GRID1: variants seen among roughly 807,000 people sequenced by gnomAD.
GRID1 encodes the protein glutamate receptor ionotropic, delta-1.
GRID1 carries 28 observed loss-of-function variants against 98.0 expected under a neutral mutation model. That is an observed-to-expected ratio of 0.29 (90% CI 0.21 to 0.39). GRID1 has a LOEUF of 0.39. Ranked by LOEUF, GRID1 falls within the 10% of genes least tolerant of loss-of-function variation. The pLI is 1.00. For missense variants in GRID1, 1,111 were observed against 1,340.5 expected (o/e 0.83, Z 2.67); for synonymous variants, 553 against 538.5 (o/e 1.03, Z -0.37).
chr10:85,981,978 G>A (rs1842549515), intron 4 of GRID1, among the ~76,000 whole-genome samples: 1 of 152,168 alleles, frequency 6.6e-6, no homozygotes, highest in African/African-American at 2.4e-5. Flanking sequence ...AGAAGGCAAG[G>A]AAACCAGCCA....
intron 4 of GRID1, among the ~76,000 whole-genome samples, chr10:85,953,326 A>C (rs1008928307): frequency 1.3e-5 from 2 of 152,158 alleles, no homozygotes; most frequent in Non-Finnish European, 2.9e-5. Context: ...AAATAATGAG[A>C]ACACATAGAA....
At chr10:85,770,007 C>T (rs1165573096) in intron 8 of GRID1, among the ~76,000 whole-genome samples, 7 of 152,200 alleles carry the variant, frequency 4.6e-5, no homozygotes, top group African/African-American at 1.4e-4. Flanking sequence ...GATCTGAGAA[C>T]GGGCAGACTG....
intron 11 of GRID1, 77 bp from the exon 12 acceptor site, chr10:85,723,218 C>A: frequency 7.1e-7 from 1 of 1,401,352 alleles, no homozygotes; most frequent in South Asian, 1.5e-5. Flanking sequence ...TTCTGCCCTG[C>A]AGCCAGGCAC....
intron 2 of GRID1, among the ~76,000 whole-genome samples, chr10:86,258,968 G>T (rs892608892): frequency 1.3e-5 from 2 of 152,148 alleles, no homozygotes; most frequent in African/African-American, 4.8e-5. Context: ...AAATCAAAAG[G>T]ACAAAACCAG....
At chr10:85,926,989 A>G (rs1456278940) in intron 4 of GRID1, among the ~76,000 whole-genome samples, 1 of 152,216 alleles carries the variant, frequency 6.6e-6, no homozygotes, top group African/African-American at 2.4e-5. Context: ...ACAGCCCTCA[A>G]TTAGCTTCAT....
intron 2 of GRID1, among the ~76,000 whole-genome samples, chr10:86,353,316 G>A (rs538181418): frequency 5.3e-5 from 8 of 152,346 alleles, no homozygotes; most frequent in African/African-American, 1.9e-4. Flanking sequence ...GAGTCTGAGG[G>A]GGCCAGCGGA....
rs762765793 is a variant in GRID1 at position 86,195,691 on chromosome 10, A to G, written c.520+10673T>C. Among the ~76,000 whole-genome samples the G allele has an allele frequency of 1.4e-4, 21 of 152,132 alleles. 1 individual carries two copies. Among genetic ancestry groups the G allele is most frequent in the Non-Finnish European group, 2.2e-4 (15 of 67,974 alleles). ...GTAAGAGGATAACTTCCAGCAAGGAACTGGGTACGTGAAGGGCTGAGAGGA... is the reference window on the plus strand; with the variant it reads ...GTAAGAGGATAACTTCCAGCAAGGAGCTGGGTACGTGAAGGGCTGAGAGGA... On this transcript the variant is annotated intron_variant, in intron 3 of 15. Coordinates refer to ENST00000327946, the MANE Select transcript of GRID1 (RefSeq NM_017551.3). This position sits in a 1 kb window ranked among gnomAD's most constrained non-coding sequence, Gnocchi z 4.4.
rs190493298 is a variant in GRID1, at chr10:86,069,450, C to T, written c.726+69369G>A. 1.6e-3 allele frequency among the ~76,000 whole-genome samples: 239 copies of T among 152,248 alleles called. 3 individuals are homozygous for T. The highest frequency in any genetic ancestry group is 0.01 in the Middle Eastern group (3 of 294). ...GATCATGAGGTCAGGAGATCGAGAC[C>T]ACCCTGGCTAACACGGTGAAACCCC... On this transcript the variant is annotated intron_variant, in intron 4 of 15. Coordinates refer to ENST00000327946, the MANE Select transcript of GRID1 (RefSeq NM_017551.3).
chr10:85,940,512 G>T (rs773984368), intron 4 of GRID1, among the ~76,000 whole-genome samples: 12 of 152,184 alleles, frequency 7.9e-5, no homozygotes, highest in Non-Finnish European at 1.6e-4. Flanking sequence ...TTCTGAAAAA[G>T]AAATTGGAGA....
intron 12 of GRID1, among the ~76,000 whole-genome samples, chr10:85,703,432 T>C (rs1841476308): frequency 1.3e-5 from 2 of 151,948 alleles, no homozygotes; most frequent in Non-Finnish European, 2.9e-5. Flanking sequence ...AAGGCAAATA[T>C]ATATCTTAGA....
intron 15 of GRID1, among the ~76,000 whole-genome samples, chr10:85,605,049 T>C (rs1343276979): frequency 6.6e-6 from 1 of 152,224 alleles, no homozygotes; most frequent in African/African-American, 2.4e-5. Context: ...AGGTGCTTCA[T>C]CTGCTGCAGC....
chr10:86,310,006 G>T (rs1453083329), intron 2 of GRID1, among the ~76,000 whole-genome samples: 1 of 152,162 alleles, frequency 6.6e-6, no homozygotes, highest in African/African-American at 2.4e-5. Flanking sequence ...TTATGTCCAA[G>T]CCGGCTGGCC....
intron 5 of GRID1, among the ~76,000 whole-genome samples, chr10:85,906,584 A>T (rs928488517): frequency 6.6e-6 from 1 of 152,234 alleles, no homozygotes; most frequent in Non-Finnish European, 1.5e-5. Flanking sequence ...ATTAGAAATC[A>T]ATAGCAGAAA....
chr10:85,930,048 G>A (rs1392272109), intron 4 of GRID1, among the ~76,000 whole-genome samples: 1 of 152,136 alleles, frequency 6.6e-6, no homozygotes, highest in Non-Finnish European at 1.5e-5. Flanking sequence ...AAGCCAAATA[G>A]TAGACTATGA....
chr10:86,009,818 G>C (rs959959224), intron 4 of GRID1, among the ~76,000 whole-genome samples: 3 of 152,124 alleles, frequency 2.0e-5, no homozygotes, highest in Non-Finnish European at 4.4e-5. Flanking sequence ...TCAGACACCG[G>C]AATGGAGAAA....
chr10:85,666,870 C>A (rs949941932), intron 12 of GRID1, among the ~76,000 whole-genome samples: 1 of 152,186 alleles, frequency 6.6e-6, no homozygotes, highest in South Asian at 2.1e-4. Context: ...AGGTCTCGCA[C>A]TAACACCTGG....
intron 4 of GRID1, among the ~76,000 whole-genome samples, chr10:85,917,274 ATGT>A (rs1841634349): frequency 6.6e-6 from 1 of 151,976 alleles, no homozygotes; most frequent in African/African-American, 2.4e-5. Context: ...TTTGTTTGTA[ATGT>A]AATTTTATTA....
chr10:86,171,172 T>A (rs956348242), intron 3 of GRID1, among the ~76,000 whole-genome samples: 15 of 152,328 alleles, frequency 9.8e-5, no homozygotes, highest in African/African-American at 3.6e-4. Context: ...GCAGCCACTA[T>A]GAAAAGCATG....
intron 5 of GRID1, among the ~76,000 whole-genome samples, chr10:85,881,360 C>T (rs1841011007): frequency 6.6e-6 from 1 of 152,164 alleles, no homozygotes; most frequent in African/African-American, 2.4e-5. Flanking sequence ...ATCACACTAC[C>T]TGACGTCGAA....
Sources: allele counts gnomAD v4.1 joint callset (sites outside exome capture counted in the v4.1 genomes callset), GRCh38; gene constraint gnomAD v4.1.1; non-coding constraint Gnocchi (gnomAD v3.1); transcripts MANE v1.5; gene names NCBI Gene and HGNC (gene_info 2026-07-23, HGNC 2026-07-21).